Variants in SOX6 observed in about 807,000 individuals in gnomAD.
SOX6 encodes transcription factor SOX-6.
SOX6 carries 11 observed loss-of-function variants against 97.8 expected under a neutral mutation model. The ratio of observed to expected loss-of-function variants is 0.11; its 90% CI spans 0.07 to 0.19. SOX6 has a LOEUF of 0.19. Ranked by LOEUF, SOX6 falls within the 10% of genes least tolerant of loss-of-function variation. The pLI is 1.00. For synonymous variants in SOX6, 360 were observed against 371.4 expected (o/e 0.97, Z 0.35); for missense variants, 810 against 1,039.5 (o/e 0.78, Z 3.04).
chr11:16,157,930 T>C (rs1458891202), intron 6 of SOX6, among the ~76,000 whole-genome samples: 1 of 151,994 alleles, frequency 6.6e-6, no homozygotes, highest in African/African-American at 2.4e-5. Context: ...ACTCTATCAA[T>C]TGGGATTAAA....
chr11:16,166,908 C>T (rs922252130), intron 6 of SOX6, among the ~76,000 whole-genome samples: 1 of 151,986 alleles, frequency 6.6e-6, no homozygotes, highest in Admixed American at 6.6e-5. Context: ...CAAAGTAAAG[C>T]TAGAAATAGC....
At chr11:16,343,237 G>A (rs1474259676) in intron 1 of SOX6, among the ~76,000 whole-genome samples, 1 of 151,876 alleles carries the variant, frequency 6.6e-6, no homozygotes, top group Non-Finnish European at 1.5e-5. Context: ...TCCTATTTCA[G>A]ATACTGACAA....
chr11:16,620,359 T>C (rs1848527884), intron 3 of SOX6, among the ~76,000 whole-genome samples: 1 of 152,192 alleles, frequency 6.6e-6, no homozygotes, highest in African/African-American at 2.4e-5. Flanking sequence ...GTATCACTGG[T>C]TTTTTCATAT....
At chr11:16,525,790 A>G (rs992652922) in intron 4 of SOX6, among the ~76,000 whole-genome samples, 2 of 152,168 alleles carry the variant, frequency 1.3e-5, no homozygotes, top group African/African-American at 2.4e-5. Context: ...TTACAAGAAA[A>G]AAACAAACAA....
intron 9 of SOX6, among the ~76,000 whole-genome samples, chr11:16,082,419 T>C (rs988266208): frequency 3.9e-5 from 6 of 152,206 alleles, no homozygotes; most frequent in African/African-American, 1.4e-4. Flanking sequence ...TTTATAGATT[T>C]CTTACTTCTT....
chr11:16,513,449 A>G (rs1345454431), intron 4 of SOX6, among the ~76,000 whole-genome samples: 1 of 152,116 alleles, frequency 6.6e-6, no homozygotes. Context: ...CCTGGCCAAC[A>G]TGGTGAAACT....
At position 16,349,703 on chromosome 11, in the gene SOX6, AGGAAGGAAGGAAGAAGGAAGGAAG is replaced by A. The variant is rs1385492604; in HGVS notation, c.-5+6367_-5+6390del. On this transcript the variant is annotated intron_variant, in intron 1 of 15. Coordinates refer to ENST00000683767, the MANE Select transcript of SOX6 (RefSeq NM_001367873.1). ...AAGGAAGGAAGGAAGGAAGGAAGGA[AGGAAGGAAGGAAGAAGGAAGGAAG>A]GAAGGAAGGAAGGAAGGAAGGAAGG... Among the ~76,000 whole-genome samples the A allele has an allele frequency of 7.5e-3, 530 of 70,334 alleles. 3 individuals are homozygous for A. Among genetic ancestry groups the A allele is most frequent in the East Asian group, 0.033 (92 of 2,752 alleles). 46.1% of individuals were successfully genotyped at this position (70,334 alleles called of 152,430 possible). A position where few individuals can be genotyped will look rare whatever the true frequency, so the allele number is the denominator to read the frequency against.
At chr11:16,700,737 A>T (rs1564872194) in intron 3 of SOX6, among the ~76,000 whole-genome samples, 1 of 152,276 alleles carries the variant, frequency 6.6e-6, no homozygotes, top group South Asian at 2.1e-4. Flanking sequence ...AGGGGTCTAG[A>T]CTCCAATAAC....
At chr11:16,230,128 T>C (rs184379671) in intron 4 of SOX6, among the ~76,000 whole-genome samples, 1 of 151,870 alleles carries the variant, frequency 6.6e-6, no homozygotes, top group African/African-American at 2.4e-5. Flanking sequence ...CAAGTTATTT[T>C]AATAGACCAA....
chr11:16,105,055 T>C (rs575310301), intron 7 of SOX6, among the ~76,000 whole-genome samples: 2 of 152,118 alleles, frequency 1.3e-5, no homozygotes, highest in African/African-American at 4.8e-5. Flanking sequence ...AGGCTAACAT[T>C]ATCTTGATAC....
At chr11:16,241,154 A>G (rs1218452597) in intron 3 of SOX6, among the ~76,000 whole-genome samples, 1 of 152,058 alleles carries the variant, frequency 6.6e-6, no homozygotes, top group Non-Finnish European at 1.5e-5. Context: ...TTTTGTTTGA[A>G]TTAAAAGCTC....
At chr11:16,726,127 G>A (rs191253565) in intron 2 of SOX6, among the ~76,000 whole-genome samples, 13 of 152,300 alleles carry the variant, frequency 8.5e-5, no homozygotes, top group East Asian at 3.9e-4. Context: ...CAACAGTGAT[G>A]GCTGGGCATG....
At chr11:16,519,640 G>C (rs896454490) in intron 4 of SOX6, among the ~76,000 whole-genome samples, 2 of 152,118 alleles carry the variant, frequency 1.3e-5, no homozygotes, top group Non-Finnish European at 2.9e-5. Flanking sequence ...ACTGCCATTT[G>C]TGAATAGTGC....
chr11:15,983,610 A>G (rs1388155571), intron 15 of SOX6, among the ~76,000 whole-genome samples: 1 of 152,164 alleles, frequency 6.6e-6, no homozygotes, highest in East Asian at 1.9e-4. Flanking sequence ...AACTTCAGGA[A>G]ATTAATAATC....
intron 2 of SOX6, chr11:16,736,247 G>C (rs1461613405): frequency 3.3e-5 from 5 of 152,180 alleles, no homozygotes; most frequent in African/African-American, 7.2e-5. Flanking sequence ...TCATGATAGT[G>C]TATCTTTGTT....
intron 10 of SOX6, among the ~76,000 whole-genome samples, chr11:16,051,503 C>G (rs1015464180): frequency 6.6e-6 from 1 of 151,988 alleles, no homozygotes; most frequent in Non-Finnish European, 1.5e-5. Flanking sequence ...TTGCAATGTA[C>G]GTTTATGTAT....
chr11:16,464,404 C>T (rs537649042), intron 1 of SOX6, among the ~76,000 whole-genome samples: 1 of 150,444 alleles, frequency 6.6e-6, no homozygotes, highest in Admixed American at 6.6e-5. Context: ...TACTATCACA[C>T]AACTCAGCAC....
chr11:16,729,754 A>G (rs993201480), intron 2 of SOX6, among the ~76,000 whole-genome samples: 5 of 152,210 alleles, frequency 3.3e-5, no homozygotes, highest in Admixed American at 1.3e-4. Flanking sequence ...AATGAGCTAA[A>G]TGCCCCAGTT....
intron 3 of SOX6, among the ~76,000 whole-genome samples, chr11:16,292,032 C>G (rs193166295): frequency 1.3e-5 from 2 of 152,148 alleles, no homozygotes; most frequent in Non-Finnish European, 2.9e-5. Flanking sequence ...ATGGGCAGAT[C>G]ATCTGGAATA....
Sources: allele counts gnomAD v4.1 joint callset (sites outside exome capture counted in the v4.1 genomes callset), GRCh38; gene constraint gnomAD v4.1.1; transcripts MANE v1.5; gene names NCBI Gene and HGNC (gene_info 2026-07-23, HGNC 2026-07-21).